The following PFKFB1 variants were observed in gnomAD, a reference collection of about 807,000 sequenced individuals.
PFKFB1 encodes 6-phosphofructo-2-kinase/fructose-2,6-bisphosphatase 1.
Under a neutral mutation model 46.4 loss-of-function variants are expected in PFKFB1, and 34 were observed. That is an observed-to-expected ratio of 0.73 (90% CI 0.56 to 0.98). The LOEUF (loss-of-function observed/expected upper bound fraction) is 0.98. PFKFB1 is among the 50% of genes least tolerant of loss of function. The pLI is 0.00. For synonymous variants in PFKFB1, 119 were observed against 133.8 expected (o/e 0.89, Z 0.76); for missense variants, 393 against 376.3 (o/e 1.04, Z -0.37).
intron 1 of PFKFB1, among the ~76,000 whole-genome samples, chrX:54,991,362 A>G (rs919510444): frequency 8.9e-6 from 1 of 112,013 alleles, no homozygotes; most frequent in Non-Finnish European, 1.9e-5. Context: ...TATAGATTAA[A>G]TTATAAAACT....
intron 1 of PFKFB1, among the ~76,000 whole-genome samples, chrX:54,972,364 T>G (rs1429190477): frequency 1.2e-4 from 13 of 107,138 alleles, no homozygotes; most frequent in Non-Finnish European, 5.8e-5. Context: ...GGCCAGAACT[T>G]CCAACACTAT....
intron 10 of PFKFB1, among the ~76,000 whole-genome samples, chrX:54,938,421 A>C (rs1933486170): frequency 8.9e-6 from 1 of 111,923 alleles, no homozygotes; most frequent in Non-Finnish European, 1.9e-5. Context: ...AAATGGGCTA[A>C]ATGCTCCAAT....
chrX:54,997,502 T>G (rs1307160292), upstream of PFKFB1, among the ~76,000 whole-genome samples: 1 of 111,805 alleles, frequency 8.9e-6, no homozygotes, highest in Non-Finnish European at 1.9e-5. Flanking sequence ...ATAGGGCATG[T>G]GTATCGGGGG....
chrX:54,935,914 C>G (rs1453586915), intron 11 of PFKFB1, among the ~76,000 whole-genome samples: 2 of 111,622 alleles, frequency 1.8e-5, no homozygotes, highest in Non-Finnish European at 3.8e-5. Flanking sequence ...CATGGCTTCC[C>G]TCAACAGCAG....
rs780838121 is a variant in PFKFB1 at position 54,993,929 on chromosome X, G to C, written c.79C>G (p.Leu27Val). The C allele has an allele frequency of 8.3e-7, 1 of 1,206,048 alleles. No individual in the cohort carries two copies. The highest frequency in any genetic ancestry group is 2.2e-5 in the Admixed American group (1 of 45,574). Residue 27 changes from leucine (L) to valine (V), a missense_variant, in exon 1 of 14, where the codon CTG becomes GTG. Physicochemically the swap from Leu to Val is conservative, Grantham distance 32. Transcript: ENST00000375006. ...WIPHSSGSSR[L>V]QRRRGSSIPQ... is the part of the protein sequence containing the mutation. ...CACTTACAGCCCCTTCTCCGTTGCA[G>C]CCTGCTGCTGCCGCTGCTGTGTGGA...
At chrX:54,938,498 C>A (rs920180740) in intron 10 of PFKFB1, among the ~76,000 whole-genome samples, 17 of 111,117 alleles carry the variant, frequency 1.5e-4, no homozygotes, top group African/African-American at 4.6e-4. Context: ...TTCAGGAAAC[C>A]CATCTCACAT....
chrX:54,937,855 C>T lies in PFKFB1; in HGVS notation c.1099-131G>A, dbSNP rs1213240491. 6 of 506,087 alleles carry T rather than the reference C, an allele frequency of 1.2e-5. No individual in the cohort carries two copies. In the East Asian group the frequency reaches 2.2e-4, roughly 19 times the overall value. The allele number at this position is 506,087 out of a possible 1,213,427, so 41.7% of individuals were successfully genotyped here. Reference sequence around the variant, plus strand: ...TTCAATTGTTGACCCACCAGTATGACCTTAGGCAACTCACTTCCTTCTTAG... The same window carrying T: ...TTCAATTGTTGACCCACCAGTATGATCTTAGGCAACTCACTTCCTTCTTAG... On this transcript the variant is annotated intron_variant, in intron 10 of 13. Transcript: ENST00000375006.
chrX:54,945,925 C>A (rs1199277098), intron 9 of PFKFB1, among the ~76,000 whole-genome samples: 1 of 110,294 alleles, frequency 9.1e-6, no homozygotes, highest in Admixed American at 9.7e-5. Context: ...AGTCTGTGTG[C>A]AGCATGCTTA....
chrX:54,957,908 G>A (rs1934201000), intron 6 of PFKFB1, among the ~76,000 whole-genome samples: 1 of 111,388 alleles, frequency 9.0e-6, no homozygotes, highest in African/African-American at 3.3e-5. Context: ...AATAAAAAAT[G>A]TAGGCTTTTG....
rs749487429 is a variant in PFKFB1 at position 54,956,111 on chromosome X, G to C, written c.638+42C>G. 1.8e-5 allele frequency: 17 copies of C among 959,478 alleles called. No individual in the cohort carries two copies. The East Asian group carries it at 5.3e-4, about 30-fold the overall frequency. 79.1% of individuals were successfully genotyped at this position (959,478 alleles called of 1,213,427 possible). ...TAGGTTCTACAGGATATCAAAACTG[G>C]GTGAAAGATCTAGACCTTGACTTTG... On this transcript the variant is annotated intron_variant, in intron 7 of 13. Coordinates refer to ENST00000375006, the MANE Select transcript of PFKFB1 (RefSeq NM_002625.4).
intron 7 of PFKFB1, among the ~76,000 whole-genome samples, chrX:54,954,320 C>T (rs1934071150): frequency 9.2e-6 from 1 of 108,529 alleles, no homozygotes; most frequent in African/African-American, 3.5e-5. Flanking sequence ...TCGAGAACAG[C>T]CTGGCCAACA....
chrX:54,995,453 A>T (rs145255840), upstream of PFKFB1, among the ~76,000 whole-genome samples: 178 of 112,439 alleles, frequency 1.6e-3, no homozygotes, highest in African/African-American at 5.5e-3. Context: ...TTGTGTATAA[A>T]TCATACCAAA....
At chrX:54,938,243 G>C (rs1933477203) in intron 10 of PFKFB1, among the ~76,000 whole-genome samples, 1 of 111,711 alleles carries the variant, frequency 9.0e-6, no homozygotes, top group Admixed American at 9.6e-5. Context: ...ATAAATCTGA[G>C]ATGCTCAAAG....
chrX:54,945,934 T>A (rs1933800881), intron 9 of PFKFB1, among the ~76,000 whole-genome samples: 1 of 110,647 alleles, frequency 9.0e-6, no homozygotes. Context: ...GCAGCATGCT[T>A]ATGATATGTA....
At chrX:54,933,700 C>T (rs1933295495) in intron 13 of PFKFB1, 121 bp downstream of exon 13, 6 of 598,942 alleles carry the variant, frequency 1.0e-5, no homozygotes, top group Non-Finnish European at 1.6e-5. Context: ...GTGCTGTTTG[C>T]TCCATCTGTT....
At chrX:54,996,766 T>G (rs1228741101), upstream of PFKFB1, among the ~76,000 whole-genome samples, 1 of 111,526 alleles carries the variant, frequency 9.0e-6, no homozygotes, top group African/African-American at 3.3e-5. Flanking sequence ...CCAAAATACA[T>G]GGTGTATTTT....
At chrX:54,935,865 G>A (rs1325091085) in intron 11 of PFKFB1, among the ~76,000 whole-genome samples, 2 of 111,373 alleles carry the variant, frequency 1.8e-5, no homozygotes, top group African/African-American at 3.3e-5. Context: ...TGCACATAAC[G>A]CTACCCATTT....
intron 3 of PFKFB1, 42 bp from the exon 4 acceptor site, chrX:54,959,935 C>A (rs886254529): frequency 1.0e-6 from 1 of 955,673 alleles, no homozygotes; most frequent in East Asian, 3.2e-5. Context: ...CCCTTATCCC[C>A]CAGGATGGAT....
chrX:54,984,321 C>T (rs1009853380), intron 1 of PFKFB1, among the ~76,000 whole-genome samples: 3 of 111,798 alleles, frequency 2.7e-5, no homozygotes, highest in African/African-American at 6.5e-5. Context: ...AGAAATTCCT[C>T]GAACTAACAA....
Sources: gnomAD v4.1 joint callset for allele counts (sites outside exome capture counted in the v4.1 genomes callset) on GRCh38, gnomAD v4.1.1 for gene constraint, MANE v1.5 for transcripts, NCBI Gene and HGNC (gene_info 2026-07-23, HGNC 2026-07-21) for gene names.